MST1R: variants seen among roughly 807,000 people sequenced by gnomAD.
The protein encoded by MST1R is macrophage-stimulating protein receptor.
In MST1R, 99 loss-of-function variants were observed where a neutral mutation model predicts 117.8. That is an observed-to-expected ratio of 0.84 (90% CI 0.71 to 0.99). MST1R has a LOEUF of 0.99. MST1R is among the 50% of genes least tolerant of loss of function. MST1R has a pLI of 0.00. For missense variants in MST1R, 1,683 were observed against 1,840.2 expected, an observed-to-expected ratio of 0.91 and a Z score of 1.56; for synonymous variants, 734 against 765.3, an observed-to-expected ratio of 0.96 and a Z score of 0.68.
In MST1R at chr3:49,891,799, T is replaced by C. The variant is rs1380620582; in HGVS notation, c.3311A>G (p.Gln1104Arg). 3 of 1,614,110 alleles carry C rather than the reference T, an allele frequency of 1.9e-6. No individual in the cohort carries two copies. In the Admixed American group the frequency reaches 5.0e-5, roughly 27 times the overall value. ...GGCACATTGGATTCGATTCTGGGCC[T>C]GGTCTATGTATTCTCCGTGGTAGAC... The part of the protein sequence containing the change: ...GVVYHGEYID[Q>R]AQNRIQCAIK... The change falls in exon 15 of 20, where the codon CAG becomes CGG. Residue 1104 changes from glutamine (Q) to arginine (R), a missense_variant. Transcript: ENST00000296474.
intron 1 of MST1R, chr3:49,899,560 CTTTTTTTTTTT>C (rs66742220): frequency 2.1e-3 from 138 of 66,280 alleles, no homozygotes; most frequent in South Asian, 5.1e-3. Flanking sequence ...CCCCGTACAT[CTTTTTTTTTTT>C]TTTTTTTTTT....
Position 49,891,399 on chromosome 3 carries a change from C to G in MST1R, c.3534G>C (p.Arg1178=). ...DLLQFIRSPQ[R]NPTVKDLISF... Reference sequence around the variant, plus strand: ...AACCCAGAGCCAGATGAACACTGACCCGCTGAGGTGAGCGGATGAACTGGA... The same window carrying G: ...AACCCAGAGCCAGATGAACACTGACGCGCTGAGGTGAGCGGATGAACTGGA... The change falls in exon 16 of 20, where the codon CGG becomes CGC. Residue 1178 remains arginine (R), a splice_region_variant and synonymous_variant. Transcript: ENST00000296474. 1.9e-6 allele frequency: 3 copies of G among 1,613,948 alleles called. No individual in the cohort carries two copies. The highest frequency in any genetic ancestry group is 2.5e-6 in the Non-Finnish European group (3 of 1,179,992).
intron 4 of MST1R, 86 bp from the exon 5 acceptor site, chr3:49,898,297 C>G: frequency 1.3e-5 from 20 of 1,552,942 alleles, no homozygotes; most frequent in Non-Finnish European, 1.5e-5. Flanking sequence ...CTGCCATACC[C>G]CTTGCCTTCC....
chr3:49,891,541 T>C lies in MST1R; in HGVS notation c.3392A>G (p.Glu1131Gly). Residue 1131 changes from glutamate (E) to glycine (G), a missense_variant, in exon 16 of 20, where the codon GAG (glutamate) becomes GGG (glycine). Glu to Gly is a moderately conservative substitution (Grantham distance 98). Coordinates refer to ENST00000296474, the MANE Select transcript of MST1R (RefSeq NM_002447.4). The stretch of plus-strand genomic sequence containing the variant: ...GTTCAGGCCACGCATGAGCAGCCCC[T>C]CTCGCAGGAAGGCCTCCACCTGCTG... ...EMQQVEAFLR[E>G]GLLMRGLNHP... 1 of 1,613,910 alleles carries C rather than the reference T, an allele frequency of 6.2e-7. No homozygotes were observed. The highest frequency in any genetic ancestry group is 1.3e-5 in the African/African-American group (1 of 75,050).
rs1358452249 is a variant in MST1R, at chr3:49,903,494, T to C, written c.116A>G (p.Asp39Gly). 1.2e-6 allele frequency: 2 copies of C among 1,611,544 alleles called. No individual in the cohort carries two copies. Among genetic ancestry groups the C allele is most frequent in the Non-Finnish European group, 1.7e-6 (2 of 1,179,970 alleles). The change falls in exon 1 of 20, where the codon GAC becomes GGC. Residue 39 changes from aspartate to glycine, a missense_variant. Asp to Gly is a moderately conservative substitution (Grantham distance 94). Transcript: ENST00000296474. ...CPRTPYAASRDFDVKYVVPSF... is the reference protein window; with the variant it reads ...CPRTPYAASRGFDVKYVVPSF... ...GGGCACCACGTACTTCACGTCAAAGTCGCGAGAGGCCGCGTAGGGGGTGCG... is the reference window on the plus strand; with the variant it reads ...GGGCACCACGTACTTCACGTCAAAGCCGCGAGAGGCCGCGTAGGGGGTGCG...
rs757033962 is a variant in MST1R, at chr3:49,897,398, C to T, written c.2065G>A (p.Val689Met). The change falls in exon 7 of 20, where the codon GTG becomes ATG. Residue 689 changes from valine (V) to methionine (M), a missense_variant. Coordinates refer to ENST00000296474, the MANE Select transcript of MST1R (RefSeq NM_002447.4). ...FSFMEPVLIA[V>M]QPLFGPRAGG... ...GCCCGTGGGCCAAAGAGGGGTTGCA[C>T]TGCTATCAGCACTGGCTCCTAAGAG... The T allele has an allele frequency of 1.9e-6, 3 of 1,613,602 alleles. No individual in the cohort carries two copies. The highest frequency in any genetic ancestry group is 1.3e-5 in the African/African-American group (1 of 75,060).
chr3:49,901,764 TG>T (rs1354664695), intron 1 of MST1R, among the ~76,000 whole-genome samples: 6 of 26,958 alleles, frequency 2.2e-4, no homozygotes. Flanking sequence ...GGCAGAAGGA[TG>T]GGGGTGGGTG....
Position 49,891,592 on chromosome 3 carries a change from C to A in MST1R, c.3353-12G>T, listed in dbSNP as rs55643042. On this transcript the variant is annotated splice_polypyrimidine_tract_variant and intron_variant, in intron 15 of 19. Coordinates refer to ENST00000296474, the MANE Select transcript of MST1R (RefSeq NM_002447.4). ...CATCTCTGTGATGCCTGCAGAGCAG[C>A]GCAAGTCAGGCACAGGGCAGGGCGT... is the stretch of plus-strand genomic sequence containing the variant. 120,737 of 1,613,102 alleles carry A rather than the reference C, an allele frequency of 0.075. 4,769 individuals carry two copies. Among genetic ancestry groups the A allele is most frequent in the Non-Finnish European group, 0.081 (95,500 of 1,179,562 alleles).
In MST1R at chr3:49,898,667, C is replaced by T; in HGVS notation, c.1570G>A (p.Gly524Ser). The T allele has an allele frequency of 6.2e-7, 1 of 1,614,022 alleles. No individual in the cohort carries two copies. Among genetic ancestry groups the T allele is most frequent in the Non-Finnish European group, 8.5e-7 (1 of 1,180,002 alleles). The change falls in exon 4 of 20, where the codon GGC becomes AGC. Residue 524 changes from glycine to serine, a missense_variant. Coordinates refer to ENST00000296474, the MANE Select transcript of MST1R (RefSeq NM_002447.4). The stretch of plus-strand genomic sequence containing the variant: ...GTCAGGAAGTGGCGGCAGCCAGGGC[C>T]TTGGATAGGTACCTGGAAAACCTGT... ...GDQVFQVPIQGPGCRHFLTCG... is the reference protein window; with the variant it reads ...GDQVFQVPIQSPGCRHFLTCG...
chr3:49,896,380 G>A lies in MST1R; in HGVS notation c.2464C>T (p.Gln822Ter). ...ACATATTCAGGAAGGCGGCACAGCT[G>A]CTGCTCTGGAAGCTGCCTCTCACAC... ...SRCERQLPEQ[Q>*]LCRLPEYVVR... The change falls in exon 10 of 20, where the codon CAG becomes TAG. Residue 822 changes from glutamine to a stop codon, truncating the protein, a stop_gained. Coordinates refer to ENST00000296474, the MANE Select transcript of MST1R (RefSeq NM_002447.4). LOFTEE classifies it high-confidence loss of function. 1 of 1,613,604 alleles carries A rather than the reference G, an allele frequency of 6.2e-7. No individual in the cohort carries two copies. The highest frequency in any genetic ancestry group is 8.5e-7 in the Non-Finnish European group (1 of 1,179,868).
rs759961320 is a variant in MST1R, at chr3:49,902,624, A to G, written c.986T>C (p.Val329Ala). The change falls in exon 1 of 20, where the codon GTG becomes GCG. Residue 329 changes from valine (V) to alanine (A), a missense_variant. Val to Ala is a moderately conservative substitution (Grantham distance 64, BLOSUM62 0). Coordinates refer to ENST00000296474, the MANE Select transcript of MST1R (RefSeq NM_002447.4). ...PVLRVAHSAP[V>A]GAQLATELSI... Reference sequence around the variant, plus strand: ...CAGCTCAGTGGCAAGTTGGGCACCCACTGGAGCGGAGTGGGCCACCCGCAG... The same window carrying G: ...CAGCTCAGTGGCAAGTTGGGCACCCGCTGGAGCGGAGTGGGCCACCCGCAG... The G allele has an allele frequency of 7.4e-6, 12 of 1,613,360 alleles. No homozygotes were observed. In the East Asian group the frequency reaches 2.5e-4, roughly 33 times the overall value.
rs1379341108 is a variant in MST1R at position 49,903,505 on chromosome 3, C to T, written c.105G>A (p.Ala35=). The change falls in exon 1 of 20, where the codon GCG becomes GCA. Residue 35 remains alanine (A), a synonymous_variant. Transcript: ENST00000296474. ...ACTTCACGTCAAAGTCGCGAGAGGC[C>T]GCGTAGGGGGTGCGCGGGCACTGCC... is the stretch of plus-strand genomic sequence containing the variant. ...EDWQCPRTPY[A]ASRDFDVKYV... The T allele has an allele frequency of 1.2e-5, 20 of 1,610,148 alleles. No individual in the cohort carries two copies. The Admixed American group carries it at 2.0e-4, about 16-fold the overall frequency.
rs920908193 is a variant in MST1R at position 49,891,996 on chromosome 3, C to T, written c.3272-158G>A. ...ATTTATTTTTTTTGAGACCGAGTCT[C>T]ACTCTTGCCCAGGCTGAAGTGCAGT... On this transcript the variant is annotated intron_variant, in intron 14 of 19. Coordinates refer to ENST00000296474, the MANE Select transcript of MST1R (RefSeq NM_002447.4). 61 of 527,258 alleles carry T rather than the reference C, an allele frequency of 1.2e-4. No homozygotes were observed. In the South Asian group the frequency reaches 1.5e-3, roughly 13 times the overall value. The allele number at this position is 527,258 out of a possible 1,614,324, so 32.7% of individuals were successfully genotyped here.
Position 49,897,547 on chromosome 3 carries a change from G to C in MST1R, c.2019C>G (p.Thr673=). The change falls in exon 6 of 20, where the codon ACC becomes ACG. Residue 673 remains threonine, a synonymous_variant. Transcript: ENST00000296474. ...TGAAAGAGAAGCCTCTCAGCACGGA[G>C]GTGCCGTCTACCCGGAAGTGCTTGC... ...PPGKHFRVDG[T]SVLRGFSFME... The C allele has an allele frequency of 6.2e-7, 1 of 1,614,028 alleles. No individual in the cohort carries two copies. The highest frequency in any genetic ancestry group is 8.5e-7 in the Non-Finnish European group (1 of 1,179,976).
intron 14 of MST1R, among the ~76,000 whole-genome samples, chr3:49,893,313 AAAT>A (rs1321849067): frequency 2.7e-5 from 4 of 149,308 alleles, no homozygotes; most frequent in Admixed American, 6.7e-5. Context: ...ATAAATAAAT[AAAT>A]AAATAGGCTG....
At chr3:49,900,726 A>C (rs2082649583) in intron 1 of MST1R, among the ~76,000 whole-genome samples, 1 of 152,138 alleles carries the variant, frequency 6.6e-6, no homozygotes, top group African/African-American at 2.4e-5. Flanking sequence ...CTGAAGGGGA[A>C]TAGAGCCCTA....
At chr3:49,894,389 G>A (rs1426097392) in intron 14 of MST1R, among the ~76,000 whole-genome samples, 2 of 151,826 alleles carry the variant, frequency 1.3e-5, no homozygotes, top group Non-Finnish European at 2.9e-5. Context: ...ATGATTCGAG[G>A]CCCATCTCTA....
chr3:49,895,682 G>A (rs1234683875), intron 12 of MST1R, 33 bp downstream of exon 12: 6 of 1,612,360 alleles, frequency 3.7e-6, no homozygotes, highest in Non-Finnish European at 5.1e-6. Flanking sequence ...GTTGGGGGTA[G>A]GGGCTGATTA....
At chr3:49,897,865 A>G in intron 5 of MST1R, 180 bp from the exon 6 acceptor site, 1 of 1,135,690 alleles carries the variant, frequency 8.8e-7, no homozygotes, top group Non-Finnish European at 1.2e-6. Flanking sequence ...ATGAGTGAAC[A>G]GACAGGAAGG....
Sources: allele counts gnomAD v4.1 joint callset (sites outside exome capture counted in the v4.1 genomes callset), GRCh38; gene constraint gnomAD v4.1.1; transcripts MANE v1.5; gene names NCBI Gene and HGNC (gene_info 2026-07-23, HGNC 2026-07-21).